The following CLSTN2 variants were observed in gnomAD, a reference collection of about 807,000 sequenced individuals.
The protein encoded by CLSTN2 is calsyntenin 2.
In CLSTN2, 48 loss-of-function variants were observed where a neutral mutation model predicts 101.2. That is an observed-to-expected ratio of 0.47 (90% CI 0.38 to 0.60). The LOEUF (loss-of-function observed/expected upper bound fraction) is 0.60, where lower values mean the gene tolerates loss of function less well. Ranked by LOEUF, CLSTN2 falls within the 20% of genes least tolerant of loss-of-function variation. The pLI, the probability that CLSTN2 is intolerant of heterozygous loss-of-function variation, is 0.00. For synonymous variants in CLSTN2, 481 were observed against 463.6 expected (o/e 1.04, Z -0.48); for missense variants, 1,160 against 1,238.2 (o/e 0.94, Z 0.95).
chr3:140,402,799 T>C (rs1250197110), intron 2 of CLSTN2, among the ~76,000 whole-genome samples: 1 of 152,190 alleles, frequency 6.6e-6, no homozygotes, highest in African/African-American at 2.4e-5. Context: ...ACAGTCAATA[T>C]CATTTGATTT....
At chr3:139,954,993 C>G (rs1422367907) in intron 1 of CLSTN2, among the ~76,000 whole-genome samples, 1 of 150,748 alleles carries the variant, frequency 6.6e-6, no homozygotes, top group Non-Finnish European at 1.5e-5. Context: ...TTTTGACAGC[C>G]AAATAACTTT....
At chr3:140,153,103 G>A (rs1191327146) in intron 1 of CLSTN2, among the ~76,000 whole-genome samples, 1 of 152,190 alleles carries the variant, frequency 6.6e-6, no homozygotes, top group Non-Finnish European at 1.5e-5. Context: ...AAACTCCAGT[G>A]GAGAAAAGGG....
intron 2 of CLSTN2, among the ~76,000 whole-genome samples, chr3:140,300,956 A>T (rs988355807): frequency 6.6e-6 from 1 of 152,186 alleles, no homozygotes; most frequent in African/African-American, 2.4e-5. Flanking sequence ...CCTGCAGACC[A>T]GAGGTGCTGA....
chr3:140,203,901 G>A (rs1430882805), intron 2 of CLSTN2, among the ~76,000 whole-genome samples: 1 of 152,214 alleles, frequency 6.6e-6, no homozygotes, highest in Non-Finnish European at 1.5e-5. Flanking sequence ...AGATGCCAGA[G>A]GAGGAAACAA....
At position 140,530,303 on chromosome 3, in the gene CLSTN2, G is replaced by T. The variant is rs1935231634; in HGVS notation, c.1345-2021G>T. Among the ~76,000 whole-genome samples the T allele has an allele frequency of 2.6e-5, 4 of 152,298 alleles. No individual in the cohort carries two copies. In the South Asian group the frequency reaches 8.3e-4, roughly 32 times the overall value. On this transcript the variant is annotated intron_variant, in intron 8 of 16. Coordinates refer to ENST00000458420, the MANE Select transcript of CLSTN2 (RefSeq NM_022131.3). ...ATTCTTATGCAGTGTGATCCAAATA[G>T]ACCTTTCCCAGCTGTTGTTTCACGG... is the stretch of plus-strand genomic sequence containing the variant.
At chr3:140,564,682 G>A (rs1935995540) in intron 16 of CLSTN2, among the ~76,000 whole-genome samples, 1 of 152,298 alleles carries the variant, frequency 6.6e-6, no homozygotes, top group East Asian at 1.9e-4. Flanking sequence ...TCTTCCAACA[G>A]CCAATAAAAT....
intron 1 of CLSTN2, among the ~76,000 whole-genome samples, chr3:139,960,562 CT>C (rs1011271459): frequency 2.1e-4 from 32 of 152,366 alleles, no homozygotes; most frequent in African/African-American, 7.5e-4. Context: ...GTTTGAGCCA[CT>C]AGTACCCACT....
intron 1 of CLSTN2, among the ~76,000 whole-genome samples, chr3:140,013,862 G>A (rs532343311): frequency 2.6e-4 from 40 of 152,076 alleles, no homozygotes; most frequent in African/African-American, 8.9e-4. Flanking sequence ...TGTAGTTTAA[G>A]CCTTCTTTTA....
chr3:139,950,802 G>C (rs1935283194), intron 1 of CLSTN2, among the ~76,000 whole-genome samples: 1 of 152,036 alleles, frequency 6.6e-6, no homozygotes, highest in Non-Finnish European at 1.5e-5. Flanking sequence ...CAAATGCTTG[G>C]GCCCAACCAT....
At chr3:140,221,645 T>C (rs1411215071) in intron 2 of CLSTN2, among the ~76,000 whole-genome samples, 1 of 152,166 alleles carries the variant, frequency 6.6e-6, no homozygotes, top group African/African-American at 2.4e-5. Flanking sequence ...GAAACAAATG[T>C]AGTAATCTGA....
At chr3:140,024,599 G>A (rs2007381159) in intron 1 of CLSTN2, among the ~76,000 whole-genome samples, 1 of 152,146 alleles carries the variant, frequency 6.6e-6, no homozygotes, top group African/African-American at 2.4e-5. Flanking sequence ...GCAGGAGCTG[G>A]GTACTCCTGC....
At chr3:140,153,206 T>G (rs9990262) in intron 1 of CLSTN2, among the ~76,000 whole-genome samples, 104,076 of 152,152 alleles carry the variant, frequency 0.68, 39,896 homozygotes, top group East Asian at 0.93. Context: ...CTATAGCTTG[T>G]GTAGCCAGGG....
intron 1 of CLSTN2, among the ~76,000 whole-genome samples, chr3:140,106,114 G>T (rs1390745987): frequency 2.0e-5 from 3 of 152,102 alleles, no homozygotes; most frequent in African/African-American, 7.2e-5. Context: ...TAAAGAACTG[G>T]TCTTTGTTCT....
chr3:140,368,485 C>T (rs138037307), intron 2 of CLSTN2, among the ~76,000 whole-genome samples: 321 of 152,332 alleles, frequency 2.1e-3, no homozygotes, highest in Non-Finnish European at 3.7e-3. Flanking sequence ...ATCACAGCCT[C>T]TGGCTTCGGG....
chr3:140,336,749 C>A (rs368813581), intron 2 of CLSTN2, among the ~76,000 whole-genome samples: 1 of 152,170 alleles, frequency 6.6e-6, no homozygotes. Flanking sequence ...GAGGGGAGAG[C>A]TTTTGTATCT....
intron 8 of CLSTN2, among the ~76,000 whole-genome samples, chr3:140,491,844 C>T (rs1204954530): frequency 6.6e-6 from 1 of 152,100 alleles, no homozygotes; most frequent in Non-Finnish European, 1.5e-5. Context: ...TAAAAGTAAG[C>T]TAGTTTAAAT....
chr3:140,280,644 G>A (rs1559827571), intron 2 of CLSTN2, among the ~76,000 whole-genome samples: 1 of 152,192 alleles, frequency 6.6e-6, no homozygotes, highest in Non-Finnish European at 1.5e-5. Context: ...TTGCTTGGCT[G>A]TAGAACTAGA....
intron 2 of CLSTN2, among the ~76,000 whole-genome samples, chr3:140,266,863 C>T (rs1429792519): frequency 2.6e-5 from 4 of 152,246 alleles, no homozygotes; most frequent in South Asian, 4.1e-4. Flanking sequence ...ATGGCAAGCA[C>T]GAAAAGAGCT....
chr3:139,957,665 T>TG (rs1303618939), intron 1 of CLSTN2, among the ~76,000 whole-genome samples: 1 of 152,060 alleles, frequency 6.6e-6, no homozygotes, highest in Non-Finnish European at 1.5e-5. Flanking sequence ...TCTTAGAGCA[T>TG]GGGGGACTTT....
Sources: gnomAD v4.1 joint callset for allele counts (sites outside exome capture counted in the v4.1 genomes callset) on GRCh38, gnomAD v4.1.1 for gene constraint, MANE v1.5 for transcripts, NCBI Gene and HGNC (gene_info 2026-07-23, HGNC 2026-07-21) for gene names.